The following CD44 variants were observed in gnomAD, a reference collection of about 807,000 sequenced individuals.
CD44 encodes the protein CD44 molecule (IN blood group).
CD44 carries 49 observed loss-of-function variants against 88.8 expected under a neutral mutation model. That is an observed-to-expected ratio of 0.55 (90% CI 0.44 to 0.70). CD44 has a LOEUF of 0.70. Ranked by LOEUF, CD44 falls within the 30% of genes least tolerant of loss-of-function variation. The pLI, the probability that CD44 is intolerant of heterozygous loss-of-function variation, is 0.00. For synonymous variants in CD44, 325 were observed against 312.3 expected (o/e 1.04, Z -0.43); for missense variants, 883 against 913.8 (o/e 0.97, Z 0.43).
intron 7 of CD44, among the ~76,000 whole-genome samples, chr11:35,200,861 G>A (rs1171852892): frequency 1.3e-5 from 2 of 152,094 alleles, no homozygotes; most frequent in Non-Finnish European, 2.9e-5. Context: ...GAACCCCAAG[G>A]TATTCTATGA....
At chr11:35,148,960 A>T (rs1391738037) in intron 1 of CD44, among the ~76,000 whole-genome samples, 1 of 152,030 alleles carries the variant, frequency 6.6e-6, no homozygotes, top group African/African-American at 2.4e-5. Flanking sequence ...CCTCCCTTGA[A>T]ATTTCTGTTC....
At chr11:35,155,801 AG>A (rs1486006442) in intron 1 of CD44, among the ~76,000 whole-genome samples, 2 of 152,210 alleles carry the variant, frequency 1.3e-5, no homozygotes, top group Non-Finnish European at 2.9e-5. Context: ...CTAAATTATG[AG>A]ATGATGACCC....
intron 7 of CD44, among the ~76,000 whole-genome samples, chr11:35,199,433 T>C (rs1387490736): frequency 6.7e-6 from 1 of 150,040 alleles, no homozygotes; most frequent in East Asian, 1.9e-4. Context: ...ACAGTTCTGC[T>C]TTTCCTTAGA....
intron 10 of CD44, chr11:35,205,624 A>C (rs1437409495): frequency 6.0e-6 from 1 of 167,112 alleles, no homozygotes; most frequent in Non-Finnish European, 1.2e-5. Context: ...GATTCCATTC[A>C]TGCTTTTGAG....
intron 10 of CD44, chr11:35,204,976 A>G: frequency 4.7e-6 from 1 of 214,856 alleles, no homozygotes; most frequent in South Asian, 7.0e-5. Flanking sequence ...AAAGGAATCT[A>G]CTCTATAATG....
At chr11:35,153,712 G>C (rs552462938) in intron 1 of CD44, among the ~76,000 whole-genome samples, 3 of 152,314 alleles carry the variant, frequency 2.0e-5, no homozygotes, top group African/African-American at 7.2e-5. Flanking sequence ...CTTGTGGTAA[G>C]TGCTATGAAG....
At chr11:35,150,788 T>G (rs1042709631) in intron 1 of CD44, among the ~76,000 whole-genome samples, 1 of 152,184 alleles carries the variant, frequency 6.6e-6, no homozygotes. Flanking sequence ...CCAGGAGAGC[T>G]TCTCCCTCTC....
In CD44 at chr11:35,230,216, TTTTTTG is replaced by T. The variant is rs1228432604; in HGVS notation, c.*889_*894del. The T allele has an allele frequency of 4.1e-5, 5 of 123,178 alleles. No homozygotes were observed. The highest frequency in any genetic ancestry group is 2.4e-4 in the East Asian group (1 of 4,206). The allele number at this position is 123,178 out of a possible 1,614,324, so 7.6% of individuals were successfully genotyped here. A position where few individuals can be genotyped will look rare whatever the true frequency, so the allele number is the denominator to read the frequency against. On this transcript the variant is annotated 3_prime_UTR_variant, in exon 18 of 18. Coordinates refer to ENST00000428726, the MANE Select transcript of CD44 (RefSeq NM_000610.4). ...AGGGCAGCACTGTTTTTGTTTTTTG[TTTTTTG>T]TTTTTTTTTTTTGACACTGTCCAAA...
At chr11:35,215,742 C>T (rs1397827821) in intron 15 of CD44, among the ~76,000 whole-genome samples, 2 of 151,744 alleles carry the variant, frequency 1.3e-5, no homozygotes, top group African/African-American at 2.4e-5. Context: ...CGTGGTCCTG[C>T]GCACCTGTAA....
At chr11:35,167,107 A>G (rs765821059) in intron 1 of CD44, among the ~76,000 whole-genome samples, 6 of 152,224 alleles carry the variant, frequency 3.9e-5, no homozygotes, top group Non-Finnish European at 7.3e-5. Flanking sequence ...ACAAATGAAG[A>G]AGAAAATGAC....
At chr11:35,190,259 T>C (rs1946139539) in intron 5 of CD44, 194 bp downstream of exon 5, 2 of 599,088 alleles carry the variant, frequency 3.3e-6, no homozygotes, top group Non-Finnish European at 5.9e-6. Flanking sequence ...CCTACCTTTT[T>C]TCCTCATCTA....
chr11:35,198,085 G>A (rs376481612), intron 6 of CD44, 36 bp from the exon 7 acceptor site: 29 of 1,599,258 alleles, frequency 1.8e-5, no homozygotes, highest in South Asian at 1.4e-4. Context: ...GTTGCTTGGC[G>A]TCCAGCTCAG....
chr11:35,171,720 C>T (rs1352496155), intron 1 of CD44, among the ~76,000 whole-genome samples: 2 of 152,274 alleles, frequency 1.3e-5, no homozygotes, highest in South Asian at 2.1e-4. Context: ...TGATAGCGGC[C>T]ATTTAGTCCA....
chr11:35,221,192 A>T (rs949128388), intron 16 of CD44, among the ~76,000 whole-genome samples: 1 of 152,206 alleles, frequency 6.6e-6, no homozygotes, highest in Admixed American at 6.5e-5. Flanking sequence ...TGTAGTGCGT[A>T]ATGCAATAGA....
chr11:35,146,658 G>C (rs550435480), intron 1 of CD44, among the ~76,000 whole-genome samples: 1 of 152,222 alleles, frequency 6.6e-6, no homozygotes, highest in Non-Finnish European at 1.5e-5. Context: ...CCATGCAGCT[G>C]ATAAGTGATG....
chr11:35,184,313 G>T (rs1945441290), intron 3 of CD44, among the ~76,000 whole-genome samples: 1 of 152,162 alleles, frequency 6.6e-6, no homozygotes, highest in Admixed American at 6.5e-5. Flanking sequence ...AACTGTCTTA[G>T]GGTTTGTGAC....
At position 35,229,144 on chromosome 11, in the gene CD44, A is replaced by T. The variant is rs773042392; in HGVS notation, c.2040A>T (p.Lys680Asn). 1.1e-5 allele frequency: 17 copies of T among 1,613,714 alleles called. No homozygotes were observed. In the South Asian group the frequency reaches 1.9e-4, roughly 18 times the overall value. Residue 680 changes from lysine (K) to asparagine (N), a missense_variant, in exon 18 of 18, where the codon AAA (lysine) becomes AAT (asparagine). Physicochemically the swap from Lys to Asn is moderately conservative, Grantham distance 94. This residue lies in a region of CD44 where 631 missense variants were observed against 590.9 expected (regional missense o/e 1.07). Coordinates refer to ENST00000428726, the MANE Select transcript of CD44 (RefSeq NM_000610.4). ...VNSRRRCGQKKKLVINSGNGA... is the reference protein window; with the variant it reads ...VNSRRRCGQKNKLVINSGNGA... ...AAATTATTAGGTGTGGGCAGAAGAA[A>T]AAGCTAGTGATCAACAGTGGCAATG...
At chr11:35,222,406 G>C (rs1475859972) in intron 17 of CD44, 1 of 1,298,374 alleles carries the variant, frequency 7.7e-7, no homozygotes, top group East Asian at 5.6e-5. Flanking sequence ...CATAAGAAGA[G>C]CACTGTTTCA....
At chr11:35,188,726 T>G (rs1020582609) in intron 4 of CD44, among the ~76,000 whole-genome samples, 2 of 151,850 alleles carry the variant, frequency 1.3e-5, no homozygotes, top group South Asian at 4.2e-4. Flanking sequence ...TCACCTGAGG[T>G]CAGGAGTTCA....
Sources: gnomAD v4.1 joint callset for allele counts (sites outside exome capture counted in the v4.1 genomes callset) on GRCh38, gnomAD v4.1.1 for gene constraint, gnomAD v4.1.1 regional missense constraint, MANE v1.5 for transcripts, NCBI Gene and HGNC (gene_info 2026-07-23, HGNC 2026-07-21) for gene names.